SPART: variants seen among roughly 807,000 people sequenced by gnomAD.
The protein encoded by SPART is spastic paraplegia 20 (Troyer syndrome).
Under a neutral mutation model 58.7 loss-of-function variants are expected in SPART, and 35 were observed. That is an observed-to-expected ratio of 0.60 (90% CI 0.46 to 0.79). The LOEUF (loss-of-function observed/expected upper bound fraction) is 0.79, where lower values mean the gene tolerates loss of function less well. Ranked by LOEUF, SPART falls within the 30% of genes least tolerant of loss-of-function variation. The pLI is 0.00. For synonymous variants in SPART, 284 were observed against 280.7 expected, an observed-to-expected ratio of 1.01 and a Z score of -0.12; for missense variants, 730 against 786.1, an observed-to-expected ratio of 0.93 and a Z score of 0.85.
chr13:36,347,405 G>A (rs1885216378), upstream of SPART, among the ~76,000 whole-genome samples: 1 of 152,144 alleles, frequency 6.6e-6, no homozygotes, highest in Non-Finnish European at 1.5e-5. Context: ...TTTTAGTAGA[G>A]ACGGGGTTTC....
At chr13:36,337,617 A>G (rs1450309728) in intron 1 of SPART, among the ~76,000 whole-genome samples, 2 of 152,202 alleles carry the variant, frequency 1.3e-5, no homozygotes, top group Admixed American at 6.5e-5. Context: ...CTCCCCAGCC[A>G]CGCAGAACTG....
upstream of SPART, among the ~76,000 whole-genome samples, chr13:36,347,401 T>C (rs1464179888): frequency 3.9e-5 from 6 of 152,262 alleles, 1 homozygote; most frequent in South Asian, 1.2e-3. Flanking sequence ...GTATTTTTAG[T>C]AGAGACGGGG....
chr13:36,332,202 C>T (rs1338981869), intron 2 of SPART, among the ~76,000 whole-genome samples: 1 of 152,146 alleles, frequency 6.6e-6, no homozygotes, highest in Non-Finnish European at 1.5e-5. Context: ...AGAAACCCAG[C>T]ACTCACAGGC....
At chr13:36,359,469 TA>T (rs1002905751) in intron 1 of SPART, among the ~76,000 whole-genome samples, 2 of 152,184 alleles carry the variant, frequency 1.3e-5, no homozygotes, top group African/African-American at 2.4e-5. Flanking sequence ...AGGTTAGCTG[TA>T]AATATAGACA....
Position 36,314,235 on chromosome 13 carries a change from T to C in SPART, c.1475A>G (p.Gln492Arg), listed in dbSNP as rs371082435. The change falls in exon 6 of 9, where the codon CAG (glutamine) becomes CGG (arginine). Residue 492 changes from glutamine (Q) to arginine (R), a missense_variant. Physicochemically the swap from Gln to Arg is conservative, Grantham distance 43. Coordinates refer to ENST00000438666, the MANE Select transcript of SPART (RefSeq NM_015087.5). ...ATCTAGAATTACTTTACCCAGGAAC[T>C]GACTGACTTTTGCTGCTCCTCCTGT... ...QATGGAAKVSQFLVDGVCTVA... is the reference protein window; with the variant it reads ...QATGGAAKVSRFLVDGVCTVA... The C allele has an allele frequency of 8.7e-6, 14 of 1,613,944 alleles. No individual in the cohort carries two copies. In the African/African-American group the frequency reaches 1.7e-4, roughly 20 times the overall value.
chr13:36,355,260 A>G (rs980011653), intron 1 of SPART, among the ~76,000 whole-genome samples: 1 of 152,188 alleles, frequency 6.6e-6, no homozygotes, highest in African/African-American at 2.4e-5. Flanking sequence ...TCCTGGGCTT[A>G]AGTGATCCTC....
intron 8 of SPART, among the ~76,000 whole-genome samples, chr13:36,307,872 A>C (rs548656016): frequency 6.6e-6 from 1 of 152,226 alleles, no homozygotes; most frequent in Non-Finnish European, 1.5e-5. Flanking sequence ...AATCCTTTGT[A>C]CTGGCTTATC....
intron 4 of SPART, among the ~76,000 whole-genome samples, chr13:36,328,035 TA>T (rs1214779834): frequency 6.6e-6 from 1 of 152,178 alleles, no homozygotes; most frequent in Non-Finnish European, 1.5e-5. Context: ...TCTGGACACA[TA>T]ATTATGTGGA....
chr13:36,309,772 G>C (rs1880905631), intron 8 of SPART, among the ~76,000 whole-genome samples: 1 of 152,006 alleles, frequency 6.6e-6, no homozygotes. Flanking sequence ...CCATCTATTG[G>C]GTACTATGCT....
At chr13:36,341,299 AC>A (rs377326121) in intron 1 of SPART, among the ~76,000 whole-genome samples, 8 of 152,382 alleles carry the variant, frequency 5.2e-5, no homozygotes, top group African/African-American at 1.9e-4. Context: ...TGTAATTTAT[AC>A]TTTTCTAATA....
At chr13:36,346,048 C>T (rs1046087066) in intron 1 of SPART, among the ~76,000 whole-genome samples, 177 bp downstream of exon 1, 1 of 152,186 alleles carries the variant, frequency 6.6e-6, no homozygotes, top group Non-Finnish European at 1.5e-5. Context: ...TATTCTCTCT[C>T]GAAATCGCTC....
chr13:36,320,375 T>C (rs1216938691), intron 5 of SPART, among the ~76,000 whole-genome samples: 1 of 152,076 alleles, frequency 6.6e-6, no homozygotes, highest in Non-Finnish European at 1.5e-5. Flanking sequence ...ATTCACCCCA[T>C]TTCCCCAAAT....
At chr13:36,315,110 A>C (rs562009020) in intron 5 of SPART, among the ~76,000 whole-genome samples, 2 of 152,350 alleles carry the variant, frequency 1.3e-5, no homozygotes, top group Non-Finnish European at 2.9e-5. Flanking sequence ...GCCATTTCTC[A>C]TGACAGTGGG....
Position 36,307,169 on chromosome 13 carries a change from A to C in SPART, c.1734-2537T>G, listed in dbSNP as rs894963038. Among the ~76,000 whole-genome samples, 7 of 152,234 alleles carry C rather than the reference A, an allele frequency of 4.6e-5. No homozygotes were observed. The South Asian group carries it at 1.5e-3, about 32-fold the overall frequency. ...ATTTTTGATCTCTTATTTTTAAACA[A>C]ATTTACTTTAATTAGAGCTCATTAA... On this transcript the variant is annotated intron_variant, in intron 8 of 8. Coordinates refer to ENST00000438666, the MANE Select transcript of SPART (RefSeq NM_015087.5).
At chr13:36,308,080 T>C (rs1566106649) in intron 8 of SPART, among the ~76,000 whole-genome samples, 1 of 152,158 alleles carries the variant, frequency 6.6e-6, no homozygotes, top group Non-Finnish European at 1.5e-5. Flanking sequence ...TACTTTTTGA[T>C]AGTAAACTTA....
At chr13:36,310,075 G>A (rs914953906) in intron 8 of SPART, among the ~76,000 whole-genome samples, 3 of 152,160 alleles carry the variant, frequency 2.0e-5, no homozygotes, top group East Asian at 1.9e-4. Context: ...TTCACTAGGA[G>A]AGTAATCTTT....
rs1881421187 is a variant in SPART at position 36,314,128 on chromosome 13, T to C, written c.1483+99A>G. 5 of 1,212,158 alleles carry C rather than the reference T, an allele frequency of 4.1e-6. No homozygotes were observed. The Admixed American group carries it at 9.3e-5, about 23-fold the overall frequency. 75.1% of individuals were successfully genotyped at this position (1,212,158 alleles called of 1,614,324 possible). A position where few individuals can be genotyped will look rare whatever the true frequency, so the allele number is the denominator to read the frequency against. On this transcript the variant is annotated intron_variant, in intron 6 of 8. Transcript: ENST00000438666. ...CTGCTTTGTCCTAATTCTTTATTCT[T>C]GAGATTAAACCATCTAAATGAACAT...
At chr13:36,307,506 CTAT>C (rs1466775447) in intron 8 of SPART, among the ~76,000 whole-genome samples, 5 of 151,996 alleles carry the variant, frequency 3.3e-5, no homozygotes, top group Non-Finnish European at 5.9e-5. Flanking sequence ...GAAAAAAAGT[CTAT>C]TATTAAGCTT....
chr13:36,329,584 A>T, intron 3 of SPART, 67 bp from the exon 4 acceptor site: 1 of 1,472,222 alleles, frequency 6.8e-7, no homozygotes, highest in Non-Finnish European at 9.5e-7. Context: ...TGCCAGCTAT[A>T]TTACACCATG....
Sources: allele counts gnomAD v4.1 joint callset (sites outside exome capture counted in the v4.1 genomes callset), GRCh38; gene constraint gnomAD v4.1.1; transcripts MANE v1.5; gene names NCBI Gene and HGNC (gene_info 2026-07-23, HGNC 2026-07-21).